OPA1: variants seen among roughly 807,000 people sequenced by gnomAD.
OPA1 encodes OPA1 mitochondrial dynamin like GTPase.
A neutral mutation model predicts 152.9 loss-of-function variants in OPA1; 59 were observed. The observed-to-expected ratio is 0.39, with a 90% CI of 0.31 to 0.48. OPA1 has a LOEUF of 0.48. Among genes scored for constraint, OPA1 ranks in the 20% least tolerant of loss-of-function variants. The pLI is 0.96. For synonymous variants in OPA1, 400 were observed against 389.9 expected (o/e 1.03, Z -0.31); for missense variants, 1,008 against 1,216.8 (o/e 0.83, Z 2.55).
chr3:193,622,175 TATTAA>T (rs1405285303), intron 6 of OPA1, among the ~76,000 whole-genome samples: 2 of 151,712 alleles, frequency 1.3e-5, no homozygotes, highest in East Asian at 1.9e-4. Context: ...TAAGTATAAT[TATTAA>T]ATTATAATAC....
rs763309584 is a variant in OPA1, at chr3:193,695,728, T to C, written c.*1128T>C. 1 of 152,258 alleles carries C rather than the reference T, an allele frequency of 6.6e-6. No individual in the cohort carries two copies. The highest frequency in any genetic ancestry group is 1.5e-5 in the Non-Finnish European group (1 of 68,034). 9.4% of individuals were successfully genotyped at this position (152,258 alleles called of 1,614,324 possible). On this transcript the variant is annotated 3_prime_UTR_variant, in exon 31 of 31. Coordinates refer to ENST00000361510, the MANE Select transcript of OPA1 (RefSeq NM_130837.3). Reference sequence around the variant, plus strand: ...CATTTGCTGCCTTTTCACTAAGCCTTTACTTTGTTAATAAAAGTGTCCATT... The same window carrying C: ...CATTTGCTGCCTTTTCACTAAGCCTCTACTTTGTTAATAAAAGTGTCCATT...
chr3:193,649,730 A>G (rs6809884), intron 21 of OPA1, among the ~76,000 whole-genome samples: 4,551 of 152,206 alleles, frequency 0.03, 239 homozygotes, highest in African/African-American at 0.1. Context: ...TTTCTTCCTC[A>G]GTGGTGAAAC....
intron 1 of OPA1, among the ~76,000 whole-genome samples, chr3:193,600,985 T>C (rs1726369458): frequency 6.6e-6 from 1 of 152,170 alleles, no homozygotes; most frequent in Non-Finnish European, 1.5e-5. Flanking sequence ...AATTCAGTTT[T>C]GTTTAACACC....
At chr3:193,625,538 A>G (rs1730958839) in intron 6 of OPA1, among the ~76,000 whole-genome samples, 1 of 152,138 alleles carries the variant, frequency 6.6e-6, no homozygotes, top group Admixed American at 6.6e-5. Context: ...AGAACCCCAA[A>G]TTTTAATCAA....
chr3:193,684,039 T>C (rs1720577740), intron 29 of OPA1, among the ~76,000 whole-genome samples: 1 of 152,150 alleles, frequency 6.6e-6, no homozygotes, highest in Non-Finnish European at 1.5e-5. Context: ...ATGGTGGCCA[T>C]CAGACAACAA....
chr3:193,642,932 A>T (rs1734002862), intron 12 of OPA1, 43 bp from the exon 13 acceptor site: 1 of 1,585,950 alleles, frequency 6.3e-7, no homozygotes, highest in South Asian at 1.1e-5. Flanking sequence ...TTTGTGAATT[A>T]AGATTTTCTT....
At chr3:193,614,686 CT>C (rs745777945) in intron 1 of OPA1, 36 bp from the exon 2 acceptor site, 2 of 1,471,362 alleles carry the variant, frequency 1.4e-6, no homozygotes, top group South Asian at 2.3e-5. Flanking sequence ...TACTGTTACC[CT>C]CTCTGATCTT....
In OPA1 at chr3:193,614,917, C is replaced by A; in HGVS notation, c.227C>A (p.Ser76Tyr). The change falls in exon 2 of 31, where the codon TCT becomes TAT. Residue 76 changes from serine (S) to tyrosine (Y), a missense_variant. By Grantham distance (144) the Ser-to-Tyr change is moderately radical. Transcript: ENST00000361510. ...CTTCCTTTACGTAAACTGAAATTCTCTCCAATTAAATATGGCTACCAGCCT... is the reference window on the plus strand; with the variant it reads ...CTTCCTTTACGTAAACTGAAATTCTATCCAATTAAATATGGCTACCAGCCT... ...TNLPLRKLKF[S>Y]PIKYGYQPRR... The A allele has an allele frequency of 6.2e-7, 1 of 1,613,862 alleles. No individual in the cohort carries two copies. Among genetic ancestry groups the A allele is most frequent in the Non-Finnish European group, 8.5e-7 (1 of 1,179,834 alleles).
At chr3:193,693,533 G>T (rs111999715) in intron 30 of OPA1, among the ~76,000 whole-genome samples, 9,018 of 152,032 alleles carry the variant, frequency 0.059, 361 homozygotes, top group Non-Finnish European at 0.088. Context: ...CCAGCTACTC[G>T]GGAGCCTGAG....
chr3:193,682,480 G>A (rs1046952083), intron 29 of OPA1, among the ~76,000 whole-genome samples: 4 of 152,178 alleles, frequency 2.6e-5, no homozygotes, highest in East Asian at 1.9e-4. Flanking sequence ...ATTGGAAGAC[G>A]ATGCCATCTA....
chr3:193,615,809 C>G (rs756363038), intron 3 of OPA1, 39 bp downstream of exon 3: 1 of 1,157,276 alleles, frequency 8.6e-7, no homozygotes, highest in Admixed American at 1.7e-5. Flanking sequence ...TTTTGGTCAT[C>G]TCGAGGAAAG....
At chr3:193,662,638 T>C (rs1715554150) in intron 25 of OPA1, among the ~76,000 whole-genome samples, 184 bp from the exon 26 acceptor site, 1 of 145,824 alleles carries the variant, frequency 6.9e-6, no homozygotes, top group South Asian at 2.2e-4. Context: ...TCTGTGTTCA[T>C]AGGCCATTTA....
chr3:193,636,766 A>T (rs192662672), intron 9 of OPA1, among the ~76,000 whole-genome samples: 1 of 152,270 alleles, frequency 6.6e-6, no homozygotes, highest in East Asian at 1.9e-4. Context: ...GCTTGCTTGC[A>T]CGTGCTCTCT....
intron 29 of OPA1, among the ~76,000 whole-genome samples, chr3:193,676,924 T>C (rs1218079889): frequency 1.5e-5 from 2 of 130,420 alleles, no homozygotes; most frequent in Non-Finnish European, 3.0e-5. Context: ...GAGCTTGCGG[T>C]GAGCCGAGAT....
chr3:193,604,149 G>A (rs1404700181), intron 1 of OPA1, among the ~76,000 whole-genome samples: 1 of 152,196 alleles, frequency 6.6e-6, no homozygotes, highest in African/African-American at 2.4e-5. Context: ...AAACAATTAG[G>A]ATATGCCTTA....
chr3:193,693,142 C>A (rs1031366038), intron 30 of OPA1, among the ~76,000 whole-genome samples: 4 of 152,148 alleles, frequency 2.6e-5, no homozygotes, highest in Non-Finnish European at 5.9e-5. Context: ...TGGCTACGCT[C>A]GGTTCAGGTC....
chr3:193,687,775 T>C (rs1051381571), intron 29 of OPA1, among the ~76,000 whole-genome samples: 2 of 152,232 alleles, frequency 1.3e-5, no homozygotes, highest in African/African-American at 2.4e-5. Context: ...TTAAAATGAA[T>C]GAATTTATGA....
In OPA1 at chr3:193,658,874, T is replaced by C. The variant is rs1476102547; in HGVS notation, c.2332-13T>C. The C allele has an allele frequency of 6.9e-6, 11 of 1,598,578 alleles. No homozygotes were observed. Among genetic ancestry groups the C allele is most frequent in the Non-Finnish European group, 9.4e-6 (11 of 1,165,926 alleles). ...TAAAACAAGTTGGCTTTTTCTCTTC[T>C]TGTTATTTTCAGAGGGTTATTCAAC... On this transcript the variant is annotated splice_polypyrimidine_tract_variant and intron_variant, in intron 23 of 30. Coordinates refer to ENST00000361510, the MANE Select transcript of OPA1 (RefSeq NM_130837.3).
At chr3:193,671,866 T>C (rs575682565) in intron 29 of OPA1, among the ~76,000 whole-genome samples, 8 of 152,232 alleles carry the variant, frequency 5.3e-5, no homozygotes, top group African/African-American at 1.9e-4. Context: ...CCTGAAGACG[T>C]TGAAACACTG....
Sources: allele counts gnomAD v4.1 joint callset (sites outside exome capture counted in the v4.1 genomes callset), GRCh38; gene constraint gnomAD v4.1.1; transcripts MANE v1.5; gene names NCBI Gene and HGNC (gene_info 2026-07-23, HGNC 2026-07-21).